The following INSL6 variants were observed in gnomAD, a reference collection of about 807,000 sequenced individuals.
INSL6 encodes the protein insulin-like peptide INSL6.
In INSL6, 16 loss-of-function variants were observed where a neutral mutation model predicts 9.4. The ratio of observed to expected loss-of-function variants is 1.70; its 90% CI spans 1.15 to 2.59. The LOEUF is 2.59. Ranked by LOEUF, INSL6 falls within the 30% of genes most tolerant of loss-of-function variation. INSL6 has a pLI of 0.00. For missense variants in INSL6, 391 were observed against 257.3 expected (o/e 1.52, Z -3.56); for synonymous variants, 154 against 96.9 (o/e 1.59, Z -3.46).
chr9:5,090,979 A>C, the INSL6 span: 1 of 1,129,860 alleles, frequency 8.9e-7, no homozygotes, highest in Admixed American at 2.5e-5. Flanking sequence ...GTTGTTATTT[A>C]ATAGTTTGCC....
At chr9:5,038,315 C>T in the INSL6 span, among the ~76,000 whole-genome samples, 17 of 151,948 alleles carry the variant, frequency 1.1e-4, no homozygotes, top group Non-Finnish European at 2.1e-4. Context: ...TTATAAAAGC[C>T]CAGGCCCAAG....
the INSL6 span, among the ~76,000 whole-genome samples, chr9:5,037,408 G>C: frequency 6.6e-6 from 1 of 152,136 alleles, no homozygotes; most frequent in Non-Finnish European, 1.5e-5. Flanking sequence ...ACATGCACAC[G>C]TATGTTTATT....
At chr9:5,074,456 T>C in the INSL6 span, among the ~76,000 whole-genome samples, 1 of 142,202 alleles carries the variant, frequency 7.0e-6, no homozygotes, top group Non-Finnish European at 1.6e-5. Context: ...TCTAGCAACA[T>C]TTCAAACTTT....
At chr9:5,039,895 A>G in the INSL6 span, among the ~76,000 whole-genome samples, 1 of 152,192 alleles carries the variant, frequency 6.6e-6, no homozygotes, top group African/African-American at 2.4e-5. Flanking sequence ...TCCTTAATTG[A>G]TCTGTATGTT....
the INSL6 span, chr9:5,107,976 T>C: frequency 2.0e-5 from 3 of 152,152 alleles, no homozygotes; most frequent in Non-Finnish European, 4.4e-5. Context: ...TATGATTCTC[T>C]AAAAATTCTA....
At chr9:5,028,604 A>G in the INSL6 span, among the ~76,000 whole-genome samples, 123 of 152,330 alleles carry the variant, frequency 8.1e-4, no homozygotes, top group Non-Finnish European at 1.4e-3. Context: ...TTCCAATAGA[A>G]GGCTGTTTTG....
chr9:5,097,177 C>A, the INSL6 span: 2 of 152,200 alleles, frequency 1.3e-5, no homozygotes, highest in African/African-American at 4.8e-5. Flanking sequence ...AACAAAAAGC[C>A]CCCAGCCATA....
rs1013556265 is a variant in INSL6 at position 5,175,905 on chromosome 9, T to A, written c.289+9409A>T. On this transcript the variant is annotated intron_variant, in intron 1 of 1. Transcript: ENST00000381641. ...ATAATTATTTCATTAAACATTACCA[T>A]GTAATAGTAATAGAAATAAAGTTCA... Among the ~76,000 whole-genome samples the A allele has an allele frequency of 3.9e-5, 6 of 152,198 alleles. No homozygotes were observed. The East Asian group carries it at 1.2e-3, about 29-fold the overall frequency.
chr9:5,086,892 T>C, the INSL6 span, among the ~76,000 whole-genome samples: 1 of 152,210 alleles, frequency 6.6e-6, no homozygotes, highest in Non-Finnish European at 1.5e-5. Context: ...GTTCATATCT[T>C]TTAAACTACT....
At chr9:5,050,029 T>G in the INSL6 span, among the ~76,000 whole-genome samples, 6 of 152,214 alleles carry the variant, frequency 3.9e-5, no homozygotes, top group African/African-American at 1.4e-4. Flanking sequence ...ACATGGCTAT[T>G]TCTTTGTATC....
chr9:4,992,397 G>T, the INSL6 span, among the ~76,000 whole-genome samples: 1 of 152,198 alleles, frequency 6.6e-6, no homozygotes, highest in Non-Finnish European at 1.5e-5. Flanking sequence ...AGGGTCAGAA[G>T]CCTGTCCAGA....
At chr9:4,999,180 A>G in the INSL6 span, among the ~76,000 whole-genome samples, 3 of 152,186 alleles carry the variant, frequency 2.0e-5, no homozygotes, top group Non-Finnish European at 4.4e-5. Context: ...CGCTGGCCCA[A>G]GGTAAAATGA....
chr9:5,147,772 C>T (rs7851223), intron 2 of INSL6, among the ~76,000 whole-genome samples: 186 of 152,182 alleles, frequency 1.2e-3, no homozygotes, highest in African/African-American at 4.3e-3. Flanking sequence ...TTTTTGACTG[C>T]GTTGATTTGA....
chr9:5,162,890 C>T (rs184493541), downstream of INSL6, among the ~76,000 whole-genome samples: 33 of 152,112 alleles, frequency 2.2e-4, no homozygotes, highest in Admixed American at 5.9e-4. Context: ...TTAATGGGTA[C>T]GAAGTAGGAA....
chr9:5,101,751 G>A, the INSL6 span, among the ~76,000 whole-genome samples: 1 of 152,202 alleles, frequency 6.6e-6, no homozygotes, highest in East Asian at 1.9e-4. Flanking sequence ...CAGATACCGA[G>A]GCAAACAGAG....
chr9:5,029,212 T>C, the INSL6 span, among the ~76,000 whole-genome samples: 27 of 152,154 alleles, frequency 1.8e-4, no homozygotes, highest in African/African-American at 5.8e-4. Flanking sequence ...TATTGTTGTG[T>C]CTCAGGGAAT....
chr9:5,110,200 T>G, the INSL6 span: 1 of 152,234 alleles, frequency 6.6e-6, no homozygotes, highest in Non-Finnish European at 1.5e-5. Context: ...GCCTCAGCCC[T>G]GCTCCACTCC....
the INSL6 span, among the ~76,000 whole-genome samples, chr9:5,011,845 A>C: frequency 1.3e-5 from 2 of 152,120 alleles, no homozygotes; most frequent in African/African-American, 2.4e-5. Flanking sequence ...GGACAGGTCT[A>C]TTTCAGTTTT....
the INSL6 span, chr9:5,112,145 G>A: frequency 3.2e-6 from 1 of 309,682 alleles, no homozygotes; most frequent in East Asian, 9.6e-5. Flanking sequence ...GGCACGGCTA[G>A]CAACGTGCAC....
Sources: allele counts gnomAD v4.1 joint callset (sites outside exome capture counted in the v4.1 genomes callset), GRCh38; gene constraint gnomAD v4.1.1; transcripts MANE v1.5; gene names NCBI Gene and HGNC (gene_info 2026-07-23, HGNC 2026-07-21).